UNC13A: variants seen among roughly 807,000 people sequenced by gnomAD.
UNC13A encodes unc-13 homolog A, also known as protein unc-13 homolog A.
In UNC13A, 61 loss-of-function variants were observed where a neutral mutation model predicts 219.7. That is an observed-to-expected ratio of 0.28 (90% CI 0.23 to 0.34). UNC13A has a LOEUF of 0.34. Among genes scored for constraint, UNC13A ranks in the 10% least tolerant of loss-of-function variants. The pLI, the probability that UNC13A is intolerant of heterozygous loss-of-function variation, is 1.00. For missense variants in UNC13A, 1,476 were observed against 2,270.3 expected (o/e 0.65, Z 7.11); for synonymous variants, 920 against 884.6 (o/e 1.04, Z -0.71).
Position 17,688,268 on chromosome 19 carries a change from G to T in UNC13A, c.-69C>A. The stretch of plus-strand genomic sequence containing the variant: ...TGTCGGGTCGGGCTCAGCGGCCGCT[G>T]GGCTGGGGCATCTCCCGGCTGCAGC... On this transcript the variant is annotated 5_prime_UTR_variant, in exon 1 of 44. Coordinates refer to ENST00000519716, the MANE Select transcript of UNC13A (RefSeq NM_001080421.3). The T allele has an allele frequency of 1.4e-6, 2 of 1,385,458 alleles. No homozygotes were observed. The highest frequency in any genetic ancestry group is 1.9e-6 in the Non-Finnish European group (2 of 1,070,490). 85.8% of individuals were successfully genotyped at this position (1,385,458 alleles called of 1,614,324 possible).
intron 19 of UNC13A, among the ~76,000 whole-genome samples, chr19:17,643,425 T>C (rs1211124976): frequency 6.6e-6 from 1 of 152,042 alleles, no homozygotes; most frequent in Non-Finnish European, 1.5e-5. Context: ...GTTCAAGCAA[T>C]TGTCTTGCCT....
chr19:17,610,199 C>A, intron 42 of UNC13A, 100 bp from the exon 43 acceptor site: 1 of 1,521,268 alleles, frequency 6.6e-7, no homozygotes, highest in Admixed American at 1.7e-5. Flanking sequence ...GGCGCAGTGG[C>A]TCACGCTTGT....
chr19:17,627,890 C>T lies in UNC13A; in HGVS notation c.3804G>A (p.Lys1268=). The part of the protein sequence containing the change: ...NTQQLRVQLE[K]MFEAMGGKEL... ...CCTTTCCTCCCATGGCTTCGAACAT[C>T]TTCTCCAGCTGAACTCGTAGCTGTT... The change falls in exon 32 of 44, where the codon AAG becomes AAA. Residue 1268 remains lysine, a synonymous_variant. Transcript: ENST00000519716. The surrounding 1 kb of genome is among the most constrained non-coding windows in gnomAD (Gnocchi z 4.7). The T allele has an allele frequency of 1.2e-6, 2 of 1,605,322 alleles. No individual in the cohort carries two copies. The highest frequency in any genetic ancestry group is 1.7e-6 in the Non-Finnish European group (2 of 1,175,250).
intron 28 of UNC13A, among the ~76,000 whole-genome samples, chr19:17,631,077 T>TCCC (rs2076840198): frequency 2.5e-5 from 1 of 39,984 alleles, no homozygotes; most frequent in African/African-American, 1.3e-4. Flanking sequence ...CCCTCCCTCC[T>TCCC]TCCTTCCTTC....
At chr19:17,611,445 T>A (rs2076602883) in intron 42 of UNC13A, among the ~76,000 whole-genome samples, 1 of 152,224 alleles carries the variant, frequency 6.6e-6, no homozygotes, top group Non-Finnish European at 1.5e-5. Flanking sequence ...CCCAAAGTGC[T>A]GGGATTACAG....
chr19:17,609,222 G>A (rs905763209), intron 43 of UNC13A, among the ~76,000 whole-genome samples: 8 of 150,048 alleles, frequency 5.3e-5, no homozygotes, highest in African/African-American at 1.7e-4. Flanking sequence ...TGTCTGCCTC[G>A]GCGTCCCAGA....
intron 28 of UNC13A, among the ~76,000 whole-genome samples, chr19:17,631,073 C>CTCCT (rs145013574): frequency 0.021 from 2,415 of 112,734 alleles, 74 homozygotes; most frequent in East Asian, 0.13. Context: ...CCCTCCCTCC[C>CTCCT]TCCTTCCTTC....
chr19:17,623,424 G>T, intron 36 of UNC13A, 118 bp downstream of exon 36: 1 of 760,898 alleles, frequency 1.3e-6, no homozygotes. Context: ...GCGGGAGGGA[G>T]GATGGTGGGT....
Position 17,668,131 on chromosome 19 carries a change from G to T in UNC13A, c.454C>A (p.Arg152=), listed in dbSNP as rs778738179. The change falls in exon 6 of 44, where the codon CGG becomes AGG. Residue 152 remains arginine (R), a synonymous_variant. Transcript: ENST00000519716. ...CCAACACTCACTTCATCCTGGTCCCGCATAGCATTGAGCTGCTCCAGCTTC... is the reference window on the plus strand; with the variant it reads ...CCAACACTCACTTCATCCTGGTCCCTCATAGCATTGAGCTGCTCCAGCTTC... ...AKKLEQLNAM[R]DQDEYSFQDE... is the part of the protein sequence containing the mutation. 6.2e-6 allele frequency: 10 copies of T among 1,613,558 alleles called. No homozygotes were observed. The highest frequency in any genetic ancestry group is 7.6e-6 in the Non-Finnish European group (9 of 1,179,650).
intron 26 of UNC13A, 97 bp from the exon 27 acceptor site, chr19:17,633,290 G>A: frequency 8.4e-7 from 1 of 1,194,978 alleles, no homozygotes; most frequent in South Asian, 1.3e-5. Context: ...TGTAGGGTAG[G>A]GTAGAGGGAT....
intron 19 of UNC13A, 115 bp downstream of exon 19, chr19:17,645,559 T>C (rs1599371186): frequency 2.1e-6 from 3 of 1,451,088 alleles, no homozygotes; most frequent in East Asian, 2.4e-5. Flanking sequence ...CATCAGATTA[T>C]GCTCCTCGAC....
intron 25 of UNC13A, among the ~76,000 whole-genome samples, chr19:17,637,128 C>T (rs2076920247): frequency 6.6e-6 from 1 of 151,984 alleles, no homozygotes; most frequent in Non-Finnish European, 1.5e-5. Context: ...AGGTGCGCCA[C>T]CACACCTGGC....
intron 23 of UNC13A, 66 bp downstream of exon 23, chr19:17,639,774 T>C: frequency 6.3e-7 from 1 of 1,575,408 alleles, no homozygotes; most frequent in Non-Finnish European, 8.7e-7. Flanking sequence ...CACCTGCTGG[T>C]AGCTTTCCCC....
chr19:17,646,713 C>T (rs1034241120), intron 17 of UNC13A, among the ~76,000 whole-genome samples: 2 of 152,162 alleles, frequency 1.3e-5, no homozygotes, highest in African/African-American at 2.4e-5. Context: ...ACCACCCCAG[C>T]TCCGTCCTGG....
chr19:17,640,969 C>A (rs539328337), intron 21 of UNC13A, among the ~76,000 whole-genome samples: 1 of 151,772 alleles, frequency 6.6e-6, no homozygotes, highest in African/African-American at 2.4e-5. Context: ...ACCCCTGCCC[C>A]CCAGGTTCAA....
intron 7 of UNC13A, 99 bp from the exon 8 acceptor site, chr19:17,663,666 C>A: frequency 7.7e-7 from 1 of 1,305,192 alleles, no homozygotes; most frequent in Non-Finnish European, 1.1e-6. Context: ...CAACTGCTCC[C>A]CCCACCCCAA....
chr19:17,613,088 CG>C (rs1373401538), intron 41 of UNC13A, among the ~76,000 whole-genome samples: 3 of 151,930 alleles, frequency 2.0e-5, no homozygotes, highest in African/African-American at 7.3e-5. Context: ...AAAAATTAGC[CG>C]GGTGTGGTAG....
Position 17,618,518 on chromosome 19 carries a change from A to AG in UNC13A, c.4330-18dup. ...CATGTGATCCTGGATGGATGGGGAG[A>AG]GGGGCCATGTGGGTGGAGTGGGCTC... On this transcript the variant is annotated splice_polypyrimidine_tract_variant and intron_variant, in intron 39 of 43. Coordinates refer to ENST00000519716, the MANE Select transcript of UNC13A (RefSeq NM_001080421.3). 1 of 1,577,246 alleles carries AG rather than the reference A, an allele frequency of 6.3e-7. No individual in the cohort carries two copies. The highest frequency in any genetic ancestry group is 1.2e-5 in the South Asian group (1 of 86,550).
chr19:17,640,032 T>A, intron 22 of UNC13A, 124 bp from the exon 23 acceptor site: 1 of 982,526 alleles, frequency 1.0e-6, no homozygotes, highest in East Asian at 2.7e-5. Context: ...TTCCATTCTA[T>A]GGCATTTTTT....
Sources: allele counts gnomAD v4.1 joint callset (sites outside exome capture counted in the v4.1 genomes callset), GRCh38; gene constraint gnomAD v4.1.1; non-coding constraint Gnocchi (gnomAD v3.1); transcripts MANE v1.5; gene names NCBI Gene and HGNC (gene_info 2026-07-23, HGNC 2026-07-21).